RAB33B: variants seen among roughly 807,000 people sequenced by gnomAD.
RAB33B encodes ras-related protein Rab-33B.
A neutral mutation model predicts 15.0 loss-of-function variants in RAB33B; 6 were observed. That is an observed-to-expected ratio of 0.40 (90% confidence interval 0.22 to 0.79). The LOEUF is 0.79. Ranked by LOEUF, RAB33B falls within the 30% of genes least tolerant of loss-of-function variation. The pLI is 0.37. For synonymous variants in RAB33B, 117 were observed against 108.3 expected (o/e 1.08, Z -0.50); for missense variants, 257 against 296.4 (o/e 0.87, Z 0.98).
At chr4:139,438,417 G>A in the RAB33B span, among the ~76,000 whole-genome samples, 9 of 152,046 alleles carry the variant, frequency 5.9e-5, no homozygotes, top group Admixed American at 2.0e-4. Flanking sequence ...ACAACCAGAC[G>A]GCTTAACACA....
chr4:139,469,520 T>A (rs1750352521), intron 1 of RAB33B, among the ~76,000 whole-genome samples: 1 of 152,216 alleles, frequency 6.6e-6, no homozygotes, highest in Admixed American at 6.5e-5. Context: ...GTTCATTTGG[T>A]GAAGTCATGT....
chr4:139,461,712 G>A (rs1750174214), intron 1 of RAB33B, among the ~76,000 whole-genome samples: 1 of 152,080 alleles, frequency 6.6e-6, no homozygotes, highest in Non-Finnish European at 1.5e-5. Context: ...GATAACTAAT[G>A]CTTTCTCTCA....
the RAB33B span, among the ~76,000 whole-genome samples, chr4:139,440,980 T>C: frequency 4.6e-5 from 7 of 152,168 alleles, no homozygotes; most frequent in Non-Finnish European, 8.8e-5. Flanking sequence ...GATTGGCTAT[T>C]TGGGCTGGGC....
At chr4:139,446,907 C>T in the RAB33B span, among the ~76,000 whole-genome samples, 1 of 152,206 alleles carries the variant, frequency 6.6e-6, no homozygotes, top group Non-Finnish European at 1.5e-5. Context: ...GGGTAACCAG[C>T]CAGCTACCCG....
In RAB33B at chr4:139,454,399, G is replaced by A; in HGVS notation, c.204G>A (p.Val68=). Residue 68 remains valine, a synonymous_variant, in exon 1 of 2, where the codon GTG becomes GTA. Coordinates refer to ENST00000305626, the MANE Select transcript of RAB33B (RefSeq NM_031296.3). ...ACCGCACCGAGGCCACGATAGGGGTGGATTTCCGAGAACGAGCGGTGGAGA... is the reference window on the plus strand; with the variant it reads ...ACCGCACCGAGGCCACGATAGGGGTAGATTTCCGAGAACGAGCGGTGGAGA... ...FPDRTEATIG[V]DFRERAVEID... 6.2e-7 allele frequency: 1 copy of A among 1,613,092 alleles called. No individual in the cohort carries two copies.
chr4:139,465,081 C>T (rs1205279410), intron 1 of RAB33B, among the ~76,000 whole-genome samples: 2 of 152,206 alleles, frequency 1.3e-5, no homozygotes, highest in African/African-American at 4.8e-5. Context: ...GATCGCCATT[C>T]TAACTGGTGT....
upstream of RAB33B, chr4:139,451,537 G>T (rs1247431076): frequency 6.6e-6 from 1 of 151,848 alleles, no homozygotes; most frequent in Non-Finnish European, 1.5e-5. Flanking sequence ...ACCACACCTG[G>T]CTGATTTTTG....
upstream of RAB33B, chr4:139,451,520 A>C (rs985650669): frequency 6.6e-6 from 1 of 151,864 alleles, no homozygotes; most frequent in Non-Finnish European, 1.5e-5. Flanking sequence ...GATTACAGGC[A>C]TGTGCCACCA....
the RAB33B span, among the ~76,000 whole-genome samples, chr4:139,438,822 A>G: frequency 6.6e-6 from 1 of 152,122 alleles, no homozygotes; most frequent in Non-Finnish European, 1.5e-5. Context: ...TTTCCCATGT[A>G]TTTACCTTTA....
the RAB33B span, among the ~76,000 whole-genome samples, chr4:139,446,069 A>G: frequency 6.6e-6 from 1 of 152,164 alleles, no homozygotes; most frequent in Non-Finnish European, 1.5e-5. Flanking sequence ...GCACAGCAGC[A>G]TTCCATCATC....
At chr4:139,464,888 C>A (rs1490845593) in intron 1 of RAB33B, among the ~76,000 whole-genome samples, 1 of 152,112 alleles carries the variant, frequency 6.6e-6, no homozygotes, top group Non-Finnish European at 1.5e-5. Flanking sequence ...ATTTATAATC[C>A]TTTGGGTATA....
chr4:139,472,764 G>A lies in RAB33B; in HGVS notation c.328G>A (p.Val110Ile), dbSNP rs1241162788. Residue 110 changes from valine to isoleucine, a missense_variant, in exon 2 of 2, where the codon GTT (valine) becomes ATT (isoleucine). Coordinates refer to ENST00000305626, the MANE Select transcript of RAB33B (RefSeq NM_031296.3). ...GCACTACTACAGAAATGTACATGCT[G>A]TTGTCTTCGTGTATGATATGACCAA... is the stretch of plus-strand genomic sequence containing the variant. ...VQHYYRNVHAVVFVYDMTNMA... is the reference protein window; with the variant it reads ...VQHYYRNVHAIVFVYDMTNMA... 12 of 1,614,012 alleles carry A rather than the reference G, an allele frequency of 7.4e-6. No individual in the cohort carries two copies. Among genetic ancestry groups the A allele is most frequent in the Non-Finnish European group, 7.6e-6 (9 of 1,179,954 alleles).
At position 139,475,476 on chromosome 4, in the gene RAB33B, T is replaced by C. The variant is rs899384756; in HGVS notation, c.*2350T>C. On this transcript the variant is annotated 3_prime_UTR_variant, in exon 2 of 2. Coordinates refer to ENST00000305626, the MANE Select transcript of RAB33B (RefSeq NM_031296.3). ...TTGTATCTCATTTGTAACAATTTGTTTTAATTTTTTATATATATGTTTTTA... is the reference window on the plus strand; with the variant it reads ...TTGTATCTCATTTGTAACAATTTGTCTTAATTTTTTATATATATGTTTTTA... 3 of 151,982 alleles carry C rather than the reference T, an allele frequency of 2.0e-5. No individual in the cohort carries two copies. The highest frequency in any genetic ancestry group is 4.4e-5 in the Non-Finnish European group (3 of 67,912). 9.4% of individuals were successfully genotyped at this position (151,982 alleles called of 1,614,324 possible).
At chr4:139,465,471 A>G (rs151260536) in intron 1 of RAB33B, among the ~76,000 whole-genome samples, 1 of 152,308 alleles carries the variant, frequency 6.6e-6, no homozygotes, top group South Asian at 2.1e-4. Context: ...GCCCATGCCT[A>G]TGTCCTGAAT....
chr4:139,472,845 C>T lies in RAB33B; in HGVS notation c.409C>T (p.Leu137=). The T allele has an allele frequency of 6.2e-7, 1 of 1,614,152 alleles. No individual in the cohort carries two copies. The highest frequency in any genetic ancestry group is 8.5e-7 in the Non-Finnish European group (1 of 1,180,016). Residue 137 remains leucine, a synonymous_variant, in exon 2 of 2, where the codon CTA becomes TTA. Transcript: ENST00000305626. ...SWIEECKQHL[L]ANDIPRILVG... Reference sequence around the variant, plus strand: ...GATAGAAGAATGCAAACAACATTTGCTAGCCAATGATATACCACGGATTCT... The same window carrying T: ...GATAGAAGAATGCAAACAACATTTGTTAGCCAATGATATACCACGGATTCT...
chr4:139,457,971 C>T (rs1750101730), intron 1 of RAB33B, among the ~76,000 whole-genome samples: 1 of 152,156 alleles, frequency 6.6e-6, no homozygotes, highest in Non-Finnish European at 1.5e-5. Context: ...TTTAACCTCT[C>T]TTTGAACTGT....
At chr4:139,466,539 TA>T (rs1750288744) in intron 1 of RAB33B, among the ~76,000 whole-genome samples, 1 of 152,196 alleles carries the variant, frequency 6.6e-6, no homozygotes, top group African/African-American at 2.4e-5. Flanking sequence ...AATATCTTTC[TA>T]AATGCTAAAG....
chr4:139,457,589 C>T (rs1423769752), intron 1 of RAB33B, among the ~76,000 whole-genome samples: 1 of 152,100 alleles, frequency 6.6e-6, no homozygotes, highest in Non-Finnish European at 1.5e-5. Flanking sequence ...ATAATCAGGA[C>T]CTCTCCCCAC....
chr4:139,463,954 C>T (rs1246134312), intron 1 of RAB33B, among the ~76,000 whole-genome samples: 6 of 152,138 alleles, frequency 3.9e-5, no homozygotes, highest in South Asian at 2.1e-4. Context: ...TTATTAGTTA[C>T]GTTTATGGCT....
Sources: gnomAD v4.1 joint callset for allele counts (sites outside exome capture counted in the v4.1 genomes callset) on GRCh38, gnomAD v4.1.1 for gene constraint, MANE v1.5 for transcripts, NCBI Gene and HGNC (gene_info 2026-07-23, HGNC 2026-07-21) for gene names.